Variants in ATG7 observed in about 807,000 individuals in gnomAD.
ATG7 encodes the protein autophagy related 7, also known as ubiquitin-like modifier-activating enzyme ATG7.
ATG7 carries 70 observed loss-of-function variants against 82.4 expected under a neutral mutation model. The ratio of observed to expected loss-of-function variants is 0.85; its 90% confidence interval spans 0.70 to 1.04. The LOEUF is 1.04. Ranked by LOEUF, ATG7 falls within the 50% of genes least tolerant of loss-of-function variation. The pLI, the probability that ATG7 is intolerant of heterozygous loss-of-function variation, is 0.00. For synonymous variants in ATG7, 287 were observed against 313.0 expected (o/e 0.92, Z 0.88); for missense variants, 792 against 864.3 (o/e 0.92, Z 1.05).
chr3:11,315,041 T>C (rs1949199199), intron 8 of ATG7, among the ~76,000 whole-genome samples: 1 of 152,150 alleles, frequency 6.6e-6, no homozygotes, highest in Non-Finnish European at 1.5e-5. Context: ...TGGGTTATCA[T>C]AGGAGAGAAA....
At chr3:11,524,506 C>T (rs1241833999) in intron 20 of ATG7, among the ~76,000 whole-genome samples, 1 of 152,210 alleles carries the variant, frequency 6.6e-6, no homozygotes, top group Non-Finnish European at 1.5e-5. Context: ...TACCTATAAT[C>T]CCAGCACTTT....
intron 18 of ATG7, among the ~76,000 whole-genome samples, chr3:11,373,504 T>G (rs1448575446): frequency 1.3e-5 from 2 of 152,202 alleles, no homozygotes; most frequent in South Asian, 2.1e-4. Context: ...AACCTGCAGA[T>G]TCTCAGGCCT....
intron 20 of ATG7, among the ~76,000 whole-genome samples, chr3:11,438,617 G>T (rs530158230): frequency 1.3e-5 from 2 of 152,048 alleles, no homozygotes; most frequent in East Asian, 3.9e-4. Context: ...CCTAAATTCT[G>T]TTGTCTCAGA....
chr3:11,417,983 A>AT (rs892332434), intron 19 of ATG7, among the ~76,000 whole-genome samples: 20 of 144,040 alleles, frequency 1.4e-4, no homozygotes, highest in Non-Finnish European at 2.3e-4. Context: ...GATTTTTTGT[A>AT]TTTTTTTTAG....
chr3:11,536,600 T>C (rs796996592), intron 20 of ATG7, among the ~76,000 whole-genome samples: 9 of 152,274 alleles, frequency 5.9e-5, no homozygotes, highest in African/African-American at 2.2e-4. Context: ...CCCATCTGTT[T>C]TCAGAGTAAA....
chr3:11,510,017 C>G (rs775694704), intron 20 of ATG7, among the ~76,000 whole-genome samples: 2 of 152,092 alleles, frequency 1.3e-5, no homozygotes, highest in Non-Finnish European at 2.9e-5. Context: ...GAACAACTTC[C>G]TCCCTCTGGC....
At chr3:11,541,564 C>CA (rs2070837845) in intron 20 of ATG7, among the ~76,000 whole-genome samples, 1 of 152,204 alleles carries the variant, frequency 6.6e-6, no homozygotes, top group Non-Finnish European at 1.5e-5. Flanking sequence ...AGGATTGGAT[C>CA]ATGCCCCTCT....
the ATG7 span, chr3:11,564,618 C>G: frequency 5.6e-5 from 42 of 744,308 alleles, no homozygotes; most frequent in Non-Finnish European, 8.6e-5. Flanking sequence ...GACTCCTGTT[C>G]TGCTGTCCCT....
At chr3:11,568,153 G>A in the ATG7 span, among the ~76,000 whole-genome samples, 5 of 152,200 alleles carry the variant, frequency 3.3e-5, no homozygotes, top group Admixed American at 6.5e-5. This position sits in a 1 kb window ranked among gnomAD's most constrained non-coding sequence, Gnocchi z 5.9. Context: ...AGACACCCCC[G>A]GGTGGCATGG....
chr3:11,558,372 C>A, downstream of ATG7: 1 of 971,246 alleles, frequency 1.0e-6, no homozygotes. Context: ...TTGAGGGCCC[C>A]CTTGTACGGA....
At chr3:11,514,556 T>C (rs2092203775) in intron 20 of ATG7, among the ~76,000 whole-genome samples, 1 of 152,214 alleles carries the variant, frequency 6.6e-6, no homozygotes, top group African/African-American at 2.4e-5. Flanking sequence ...ATGTTAGTCA[T>C]AGTCAGTGCA....
At chr3:11,384,337 C>T (rs2078149607) in intron 19 of ATG7, among the ~76,000 whole-genome samples, 3 of 152,176 alleles carry the variant, frequency 2.0e-5, no homozygotes, top group African/African-American at 4.8e-5. Flanking sequence ...CTGGGACCTG[C>T]GCAGATGCAG....
intron 18 of ATG7, among the ~76,000 whole-genome samples, chr3:11,379,636 T>TG (rs1199179896): frequency 2.0e-5 from 3 of 152,206 alleles, no homozygotes; most frequent in Non-Finnish European, 4.4e-5. Flanking sequence ...AGTATACCAG[T>TG]GGACCTGTTC....
chr3:11,358,666 G>C (rs901284243), intron 15 of ATG7, 54 bp downstream of exon 15: 2 of 1,561,894 alleles, frequency 1.3e-6, no homozygotes, highest in African/African-American at 2.7e-5. Flanking sequence ...CACTCCAGAG[G>C]GAGGAGTGTC....
intron 18 of ATG7, among the ~76,000 whole-genome samples, chr3:11,370,252 G>C (rs977069678): frequency 6.6e-6 from 1 of 151,154 alleles, no homozygotes; most frequent in African/African-American, 2.4e-5. Context: ...GGGAGTGGTT[G>C]GGAAGATTTG....
rs181695820 is a variant in ATG7, at chr3:11,412,563, A to G, written c.1957-14241A>G. ...ATGCTGAACTTTGTAGCTTTGTACT[A>G]TAGTAAATTTGATTACTGTAGCTTT... On this transcript the variant is annotated intron_variant, in intron 19 of 20. Coordinates refer to ENST00000693202, the MANE Select transcript of ATG7 (RefSeq NM_001349232.2). Among the ~76,000 whole-genome samples the G allele has an allele frequency of 2.3e-3, 351 of 152,316 alleles. 1 individual carries two copies. Among genetic ancestry groups the G allele is most frequent in the African/African-American group, 7.4e-3 (306 of 41,582 alleles).
At chr3:11,467,864 C>T (rs1260147914) in intron 20 of ATG7, among the ~76,000 whole-genome samples, 1 of 152,116 alleles carries the variant, frequency 6.6e-6, no homozygotes, top group Non-Finnish European at 1.5e-5. Flanking sequence ...ATTATTGTTA[C>T]TTAATATTTT....
intron 20 of ATG7, among the ~76,000 whole-genome samples, chr3:11,474,359 G>A (rs903198033): frequency 2.0e-5 from 3 of 152,244 alleles, no homozygotes; most frequent in African/African-American, 7.2e-5. Flanking sequence ...AGCACCTTGA[G>A]AGGCCCGAGG....
chr3:11,553,144 C>T (rs960286714), intron 20 of ATG7, among the ~76,000 whole-genome samples: 29 of 152,144 alleles, frequency 1.9e-4, no homozygotes, highest in African/African-American at 5.8e-4. Context: ...CCTCCCACCT[C>T]GGCCCCTTCC....
Sources: gnomAD v4.1 joint callset for allele counts (sites outside exome capture counted in the v4.1 genomes callset) on GRCh38, gnomAD v4.1.1 for gene constraint, Gnocchi (gnomAD v3.1) non-coding constraint, MANE v1.5 for transcripts, NCBI Gene and HGNC (gene_info 2026-07-23, HGNC 2026-07-21) for gene names.